The following GARNL3 variants were observed in gnomAD, a reference collection of about 807,000 sequenced individuals.
GARNL3 encodes GTPase activating Rap/RanGAP domain like 3.
Under a neutral mutation model 125.0 loss-of-function variants are expected in GARNL3, and 63 were observed. The observed-to-expected ratio is 0.50, with a 90% CI of 0.41 to 0.62. GARNL3 has a LOEUF of 0.62. Among genes scored for constraint, GARNL3 ranks in the 20% least tolerant of loss-of-function variants. The pLI is 0.00. For missense variants in GARNL3, 994 were observed against 1,244.0 expected (o/e 0.80, Z 3.02); for synonymous variants, 439 against 457.5 (o/e 0.96, Z 0.52).
intron 4 of GARNL3, among the ~76,000 whole-genome samples, chr9:127,314,482 G>A (rs924514468): frequency 6.6e-6 from 1 of 152,126 alleles, no homozygotes; most frequent in Non-Finnish European, 1.5e-5. Flanking sequence ...GGCATCAAGA[G>A]CCCTGGCATC....
intron 22 of GARNL3, among the ~76,000 whole-genome samples, chr9:127,373,965 T>C (rs1405940895): frequency 6.6e-6 from 1 of 151,792 alleles, no homozygotes; most frequent in Non-Finnish European, 1.5e-5. Flanking sequence ...AAGATCAGGC[T>C]ACTGCACTCC....
intron 2 of GARNL3, among the ~76,000 whole-genome samples, chr9:127,310,249 G>A (rs951137501): frequency 1.3e-5 from 2 of 152,046 alleles, no homozygotes; most frequent in Non-Finnish European, 2.9e-5. Flanking sequence ...TTAAGCAAAA[G>A]CCATAAAGGG....
rs1200972913 is a variant in GARNL3, at chr9:127,384,593, A to G, written c.2270-434A>G. Among the ~76,000 whole-genome samples, 1 of 152,166 alleles carries G rather than the reference A, an allele frequency of 6.6e-6. No homozygotes were observed. Among genetic ancestry groups the G allele is most frequent in the Non-Finnish European group, 1.5e-5 (1 of 68,018 alleles). ...GGAGGAGCACATGGGAGGAGCGAGG[A>G]GCACTGAGGGACACCAGGGCTGGGC... On this transcript the variant is annotated intron_variant, in intron 23 of 27. Coordinates refer to ENST00000373387, the MANE Select transcript of GARNL3 (RefSeq NM_032293.5). The surrounding 1 kb of genome is among the most constrained non-coding windows in gnomAD (Gnocchi z 4.0).
At chr9:127,231,695 A>C (rs2063022400) in intron 1 of GARNL3, among the ~76,000 whole-genome samples, 1 of 152,186 alleles carries the variant, frequency 6.6e-6, no homozygotes, top group Non-Finnish European at 1.5e-5. Flanking sequence ...TTCCCTAAGA[A>C]CTTGTTAGAA....
In GARNL3 at chr9:127,385,077, C is replaced by T; in HGVS notation, c.2320C>T (p.Arg774Cys). ...CTTCACCACCGACTCCATGGAGATC[C>T]GCCTGGTGGTGAACGGGAACCTGGT... ...LAFTTDSMEI[R>C]LVVNGNLVHT... is the part of the protein sequence containing the mutation. Residue 774 changes from arginine to cysteine, a missense_variant, in exon 24 of 28, where the codon CGC becomes TGC. Physicochemically the swap from Arg to Cys is radical, Grantham distance 180 (BLOSUM62 -3). This residue lies in a region of GARNL3 where 728 missense variants were observed against 865.7 expected (regional missense o/e 0.84). Coordinates refer to ENST00000373387, the MANE Select transcript of GARNL3 (RefSeq NM_032293.5). The surrounding 1 kb of genome is among the most constrained non-coding windows in gnomAD (Gnocchi z 4.1). The T allele has an allele frequency of 1.9e-6, 3 of 1,612,650 alleles. No homozygotes were observed. The highest frequency in any genetic ancestry group is 2.5e-6 in the Non-Finnish European group (3 of 1,179,212).
chr9:127,233,770 A>G (rs1031054637), intron 1 of GARNL3, among the ~76,000 whole-genome samples: 8 of 152,210 alleles, frequency 5.3e-5, no homozygotes, highest in Non-Finnish European at 1.0e-4. Flanking sequence ...TGCCAAGACA[A>G]ATGCTTTCTT....
chr9:127,293,509 C>T (rs532479955), intron 2 of GARNL3, among the ~76,000 whole-genome samples: 54 of 151,978 alleles, frequency 3.6e-4, no homozygotes, highest in Admixed American at 3.1e-3. Context: ...CTGGCACGTC[C>T]GTTGTCATGT....
Position 127,354,086 on chromosome 9 carries a change from A to G in GARNL3, c.1642+142A>G, listed in dbSNP as rs967023821. ...TGATGCTCAGTGCTTGGGATCCCTC[A>G]GTGGCCCCTTTGTTCTCTGGGGAGG... On this transcript the variant is annotated intron_variant, in intron 18 of 27. Transcript: ENST00000373387. The G allele has an allele frequency of 1.2e-5, 8 of 691,962 alleles. No homozygotes were observed. The Admixed American group carries it at 2.1e-4, about 18-fold the overall frequency. 42.9% of individuals were successfully genotyped at this position (691,962 alleles called of 1,614,324 possible).
chr9:127,344,438 T>C, intron 15 of GARNL3, 99 bp downstream of exon 15: 2 of 794,690 alleles, frequency 2.5e-6, no homozygotes, highest in Non-Finnish European at 4.3e-6. Context: ...CCTGCTGCTG[T>C]AGGAGCTCTG....
Position 127,380,198 on chromosome 9 carries a change from A to ATGTGTG in GARNL3, c.2162-3239_2162-3238insGTGTGT, listed in dbSNP as rs1458335111. Among the ~76,000 whole-genome samples the ATGTGTG allele has an allele frequency of 5.2e-4, 36 of 69,314 alleles. No individual in the cohort carries two copies. The East Asian group carries it at 0.012, about 23-fold the overall frequency. The allele number at this position is 69,314 out of a possible 152,430, so 45.5% of individuals were successfully genotyped here. On this transcript the variant is annotated intron_variant, in intron 22 of 27. Transcript: ENST00000373387. Reference sequence around the variant, plus strand: ...ATAGAGCAAGACTCTGTCTCAAAAAATATGTGTGTGTGTGTGTGTGTGTGT... The same window carrying ATGTGTG: ...ATAGAGCAAGACTCTGTCTCAAAAAATGTGTGTATGTGTGTGTGTGTGTGTGTGTGT...
At chr9:127,344,937 G>A (rs967137092) in intron 15 of GARNL3, among the ~76,000 whole-genome samples, 2 of 152,196 alleles carry the variant, frequency 1.3e-5, no homozygotes, top group African/African-American at 4.8e-5. Context: ...AGAAGGAGGA[G>A]TGCCCTCAGC....
Position 127,323,493 on chromosome 9 carries a change from G to GCC in GARNL3, c.568-1574_568-1573dup, listed in dbSNP as rs2065464984. Reference sequence around the variant, plus strand: ...GCAAGGCTCTGATTCCTTCAGCCTAGCCCACTGAGGAGCAGCCTCTATTAC... The same window carrying GCC: ...GCAAGGCTCTGATTCCTTCAGCCTAGCCCCCACTGAGGAGCAGCCTCTATTAC... On this transcript the variant is annotated intron_variant, in intron 6 of 27. Coordinates refer to ENST00000373387, the MANE Select transcript of GARNL3 (RefSeq NM_032293.5). Among the ~76,000 whole-genome samples the GCC allele has an allele frequency of 2.0e-5, 3 of 152,322 alleles. No individual in the cohort carries two copies. The South Asian group carries it at 6.2e-4, about 32-fold the overall frequency.
intron 1 of GARNL3, among the ~76,000 whole-genome samples, chr9:127,290,107 A>G (rs1393424158): frequency 6.6e-6 from 1 of 152,210 alleles, no homozygotes; most frequent in East Asian, 1.9e-4. Context: ...TGAGAATAAT[A>G]ATAATACCTA....
chr9:127,361,967 A>G (rs1207041612), intron 21 of GARNL3: 1 of 151,232 alleles, frequency 6.6e-6, no homozygotes, highest in Non-Finnish European at 1.5e-5. Context: ...TCCCATAATT[A>G]TAATAATTGT....
chr9:127,317,095 A>C (rs2065260818), intron 4 of GARNL3, among the ~76,000 whole-genome samples: 1 of 152,196 alleles, frequency 6.6e-6, no homozygotes, highest in East Asian at 1.9e-4. Flanking sequence ...ACCTCTTCTT[A>C]GACGATTAGG....
chr9:127,383,601 T>G (rs77448683), intron 23 of GARNL3, 56 bp downstream of exon 23: 5 of 1,175,658 alleles, frequency 4.3e-6, no homozygotes, highest in Non-Finnish European at 6.2e-6. Context: ...TCTGAACTAT[T>G]GTAAGCAAAT....
intron 2 of GARNL3, 137 bp downstream of exon 2, chr9:127,291,379 C>A (rs2064410388): frequency 1.4e-6 from 1 of 737,180 alleles, no homozygotes; most frequent in Non-Finnish European, 2.3e-6. Flanking sequence ...AGGGAAATGT[C>A]AGTATTCTGG....
intron 2 of GARNL3, among the ~76,000 whole-genome samples, chr9:127,245,645 G>C (rs1158030874): frequency 1.3e-5 from 2 of 152,212 alleles, no homozygotes; most frequent in Non-Finnish European, 2.9e-5. Context: ...TTTGTGGGCC[G>C]CCTATTCATT....
chr9:127,235,205 T>C (rs1167097776), intron 1 of GARNL3, among the ~76,000 whole-genome samples: 1 of 151,198 alleles, frequency 6.6e-6, no homozygotes, highest in Non-Finnish European at 1.5e-5. Flanking sequence ...CTTCAAAATC[T>C]AGTATGCATT....
Sources: allele counts gnomAD v4.1 joint callset (sites outside exome capture counted in the v4.1 genomes callset), GRCh38; gene constraint gnomAD v4.1.1; regional missense constraint gnomAD v4.1.1; non-coding constraint Gnocchi (gnomAD v3.1); transcripts MANE v1.5; gene names NCBI Gene and HGNC (gene_info 2026-07-23, HGNC 2026-07-21).